Variants in MAN1B1 observed in about 807,000 individuals in gnomAD.
MAN1B1 encodes mannosidase alpha class 1B member 1.
In MAN1B1, 66 loss-of-function variants were observed where a neutral mutation model predicts 75.5. That is an observed-to-expected ratio of 0.87 (90% CI 0.72 to 1.07). The LOEUF is 1.07. Ranked by LOEUF, MAN1B1 falls within the 50% of genes least tolerant of loss-of-function variation. The pLI is 0.00. For synonymous variants in MAN1B1, 453 were observed against 382.8 expected, an observed-to-expected ratio of 1.18 and a Z score of -2.14; for missense variants, 973 against 912.5, an observed-to-expected ratio of 1.07 and a Z score of -0.85.
intron 1 of MAN1B1, among the ~76,000 whole-genome samples, chr9:137,087,786 C>T (rs1830413567): frequency 6.6e-6 from 1 of 152,194 alleles, no homozygotes; most frequent in South Asian, 2.1e-4. Context: ...ACTGTATTAA[C>T]GACATCTGTA....
chr9:137,096,519 GTCC>G, intron 4 of MAN1B1, 128 bp downstream of exon 4: 1 of 1,277,844 alleles, frequency 7.8e-7, no homozygotes, highest in Non-Finnish European at 1.1e-6. Flanking sequence ...TCTGTAATCT[GTCC>G]TCATTAACCT....
chr9:137,106,407 C>A, intron 9 of MAN1B1, 92 bp downstream of exon 9: 1 of 1,212,492 alleles, frequency 8.2e-7, no homozygotes, highest in Non-Finnish European at 1.2e-6. Context: ...GGCCCCCGCT[C>A]CTGCTGCCCC....
At chr9:137,106,360 C>T (rs1332176030) in intron 9 of MAN1B1, 45 bp downstream of exon 9, 2 of 1,495,230 alleles carry the variant, frequency 1.3e-6, no homozygotes, top group East Asian at 2.5e-5. Flanking sequence ...CTCCCCCGTT[C>T]CCGCAGCCCC....
chr9:137,087,373 T>G (rs1166434701), intron 1 of MAN1B1, 155 bp downstream of exon 1: 3 of 940,548 alleles, frequency 3.2e-6, no homozygotes, highest in Admixed American at 2.3e-5. Flanking sequence ...TGTGCGTTCC[T>G]GGTTGGGGCA....
chr9:137,089,013 G>A lies in MAN1B1; in HGVS notation c.465+8G>A. 1 of 1,613,910 alleles carries A rather than the reference G, an allele frequency of 6.2e-7. No individual in the cohort carries two copies. Among genetic ancestry groups the A allele is most frequent in the Non-Finnish European group, 8.5e-7 (1 of 1,179,958 alleles). On this transcript the variant is annotated splice_region_variant and intron_variant, in intron 3 of 12. Coordinates refer to ENST00000371589, the MANE Select transcript of MAN1B1 (RefSeq NM_016219.5). ...CCTGAGATTTCGTCACAGGTACTTT[G>A]AGCAAATGGTGTGGGGTTATAACTG...
chr9:137,105,725 A>G, intron 8 of MAN1B1: 1 of 381,636 alleles, frequency 2.6e-6, no homozygotes, highest in South Asian at 2.0e-5. Flanking sequence ...TATCATCAGG[A>G]GCAACACTGG....
chr9:137,102,548 T>C (rs796417212), intron 8 of MAN1B1: 4 of 381,326 alleles, frequency 1.0e-5, no homozygotes, highest in African/African-American at 2.8e-5. Context: ...GTCGGTGGTG[T>C]TACACACATT....
chr9:137,108,105 CTGCCCTG>C (rs907349561), intron 12 of MAN1B1: 131 of 606,992 alleles, frequency 2.2e-4, no homozygotes, highest in South Asian at 7.3e-4. Flanking sequence ...CTCCCACCGT[CTGCCCTG>C]TGCCCTGTGC....
chr9:137,103,996 T>C (rs936635242), intron 8 of MAN1B1: 5 of 454,706 alleles, frequency 1.1e-5, no homozygotes, highest in African/African-American at 1.0e-4. Context: ...TGCAGGTCGG[T>C]GGTGTTACAT....
In MAN1B1 at chr9:137,104,297, G is replaced by A. The variant is rs149647269; in HGVS notation, c.1255-1828G>A. ...GTCACTCAGGCTGGAGTGCAGTGGC[G>A]TGATCTCAGCTCACTGCAACCTCCA... On this transcript the variant is annotated intron_variant, in intron 8 of 12. Coordinates refer to ENST00000371589, the MANE Select transcript of MAN1B1 (RefSeq NM_016219.5). 502 of 351,544 alleles carry A rather than the reference G, an allele frequency of 1.4e-3. 8 individuals are homozygous for A. In the East Asian group the frequency reaches 0.03, roughly 21 times the overall value. 21.8% of individuals were successfully genotyped at this position (351,544 alleles called of 1,614,324 possible).
rs568213705 is a variant in MAN1B1, at chr9:137,089,174, T to C, written c.465+169T>C. On this transcript the variant is annotated intron_variant, in intron 3 of 12. Coordinates refer to ENST00000371589, the MANE Select transcript of MAN1B1 (RefSeq NM_016219.5). ...ACTTGGGGAAAGAGAGGCGTAGTCT[T>C]TGCTTCATTCTTTTTGAAGACCAGC... 2.6e-4 allele frequency: 220 copies of C among 856,850 alleles called. 7 individuals carry two copies. In the South Asian group the frequency reaches 3.1e-3, roughly 12 times the overall value. 53.1% of individuals were successfully genotyped at this position (856,850 alleles called of 1,614,324 possible).
chr9:137,096,857 C>T (rs768197802), intron 4 of MAN1B1, among the ~76,000 whole-genome samples: 2 of 152,226 alleles, frequency 1.3e-5, no homozygotes, highest in African/African-American at 4.8e-5. Context: ...GTCTCTGCCT[C>T]GTTTCCGGCT....
intron 3 of MAN1B1, among the ~76,000 whole-genome samples, chr9:137,091,812 C>T (rs1383295870): frequency 6.6e-6 from 1 of 152,168 alleles, no homozygotes; most frequent in Non-Finnish European, 1.5e-5. Flanking sequence ...AGGCGTGAGC[C>T]ACCACGCCCG....
In MAN1B1 at chr9:137,096,383, A is replaced by G. The variant is rs1588592460; in HGVS notation, c.612A>G (p.Thr204=). 6.2e-7 allele frequency: 1 copy of G among 1,613,664 alleles called. No individual in the cohort carries two copies. Among genetic ancestry groups the G allele is most frequent in the Admixed American group, 1.7e-5 (1 of 60,008 alleles). Residue 204 remains threonine, a synonymous_variant, in exon 4 of 13, where the codon ACA becomes ACG. Transcript: ENST00000371589. ...DPRPEGDPQR[T]VISWRGAVIE... Reference sequence around the variant, plus strand: ...GCCCGGAAGGAGATCCGCAGAGGACAGTCATCAGGTACAGAGCGCAGGGCA... The same window carrying G: ...GCCCGGAAGGAGATCCGCAGAGGACGGTCATCAGGTACAGAGCGCAGGGCA...
In MAN1B1 at chr9:137,107,660, C is replaced by G; in HGVS notation, c.1894C>G (p.Arg632Gly). 1 of 1,609,634 alleles carries G rather than the reference C, an allele frequency of 6.2e-7. No homozygotes were observed. The highest frequency in any genetic ancestry group is 8.5e-7 in the Non-Finnish European group (1 of 1,179,952). Residue 632 changes from arginine to glycine, a missense_variant and splice_region_variant, in exon 12 of 13, where the codon CGG becomes GGG. Arg to Gly is a moderately radical substitution (Grantham distance 125). Transcript: ENST00000371589. ...EILQSFSRFT[R>G]VPSGGYSSIN... ...TCTGCAGAGCTTCAGCCGATTCACA[C>G]GGGTGAGCACCTGTCCTCGCCCCGC...
chr9:137,088,327 G>A, intron 2 of MAN1B1, 144 bp downstream of exon 2: 2 of 1,603,088 alleles, frequency 1.2e-6, no homozygotes, highest in East Asian at 2.2e-5. Context: ...GAAAGGTAGA[G>A]CTGTATGTAA....
At position 137,105,921 on chromosome 9, in the gene MAN1B1, G is replaced by A. The variant is rs114415411; in HGVS notation, c.1255-204G>A. 1,535 of 693,458 alleles carry A rather than the reference G, an allele frequency of 2.2e-3. 14 individuals are homozygous for A. The highest frequency in any genetic ancestry group is 0.016 in the African/African-American group (891 of 57,196). The allele number at this position is 693,458 out of a possible 1,614,324, so 43.0% of individuals were successfully genotyped here. A position where few individuals can be genotyped will look rare whatever the true frequency, so the allele number is the denominator to read the frequency against. On this transcript the variant is annotated intron_variant, in intron 8 of 12. Coordinates refer to ENST00000371589, the MANE Select transcript of MAN1B1 (RefSeq NM_016219.5). ...GTTGGGAGCAGTGACATTCAGGTGC[G>A]TTGCACTGGTGGCTGTGTGGCTGTG...
chr9:137,108,466 T>C lies in MAN1B1; in HGVS notation c.1975T>C (p.Phe659Leu). Reference sequence around the variant, plus strand: ...CGAGCCTAGGGACAAGATGGAGAGCTTCTTCCTGGGGGAGACGCTCAAGTA... The same window carrying C: ...CGAGCCTAGGGACAAGATGGAGAGCCTCTTCCTGGGGGAGACGCTCAAGTA... Reference protein sequence around the residue: ...KPEPRDKMESFFLGETLKYLF... With the variant: ...KPEPRDKMESLFLGETLKYLF... Residue 659 changes from phenylalanine to leucine, a missense_variant, in exon 13 of 13, where the codon TTC (phenylalanine) becomes CTC (leucine). Coordinates refer to ENST00000371589, the MANE Select transcript of MAN1B1 (RefSeq NM_016219.5). 3 of 1,613,928 alleles carry C rather than the reference T, an allele frequency of 1.9e-6. No homozygotes were observed. Among genetic ancestry groups the C allele is most frequent in the Non-Finnish European group, 2.5e-6 (3 of 1,179,970 alleles).
chr9:137,100,975 C>G, intron 6 of MAN1B1, 30 bp from the exon 7 acceptor site: 1 of 1,613,730 alleles, frequency 6.2e-7, no homozygotes, highest in Non-Finnish European at 8.5e-7. Flanking sequence ...ATCCATTTGT[C>G]TCTGCATCCT....
Sources: gnomAD v4.1 joint callset for allele counts (sites outside exome capture counted in the v4.1 genomes callset) on GRCh38, gnomAD v4.1.1 for gene constraint, MANE v1.5 for transcripts, NCBI Gene and HGNC (gene_info 2026-07-23, HGNC 2026-07-21) for gene names.